TRPM3: variants seen among roughly 807,000 people sequenced by gnomAD.
TRPM3 encodes the protein long transient receptor potential channel 3.
In TRPM3, 77 loss-of-function variants were observed where a neutral mutation model predicts 181.2. The ratio of observed to expected loss-of-function variants is 0.42; its 90% confidence interval spans 0.35 to 0.51. The LOEUF is 0.51. TRPM3 is among the 20% of genes least tolerant of loss of function. TRPM3 has a pLI of 0.01. For missense variants in TRPM3, 1,759 were observed against 2,196.7 expected (o/e 0.80, Z 3.98); for synonymous variants, 745 against 796.4 (o/e 0.94, Z 1.09).
chr9:71,196,525 C>G (rs574980938), intron 1 of TRPM3, among the ~76,000 whole-genome samples: 2 of 151,840 alleles, frequency 1.3e-5, no homozygotes, highest in Admixed American at 1.3e-4. Context: ...TTATCATGAT[C>G]CTGTGTATTT....
chr9:71,390,255 G>A (rs2093031392), intron 1 of TRPM3, among the ~76,000 whole-genome samples: 2 of 151,998 alleles, frequency 1.3e-5, no homozygotes, highest in Admixed American at 1.3e-4. Context: ...AGAAAGAAGA[G>A]AAGTGGGTAA....
intron 1 of TRPM3, among the ~76,000 whole-genome samples, chr9:71,383,351 C>T (rs970968183): frequency 4.6e-5 from 7 of 152,046 alleles, no homozygotes; most frequent in Non-Finnish European, 1.0e-4. Flanking sequence ...TTGTTTTGTG[C>T]CCTTGTAAAC....
intron 1 of TRPM3, among the ~76,000 whole-genome samples, chr9:71,419,721 A>G (rs2093696800): frequency 6.6e-6 from 1 of 151,980 alleles, no homozygotes; most frequent in African/African-American, 2.4e-5. Context: ...AAAATGTTAA[A>G]TCTTATGTTA....
chr9:70,790,868 A>C (rs2085211344), intron 6 of TRPM3, among the ~76,000 whole-genome samples: 1 of 152,188 alleles, frequency 6.6e-6, no homozygotes, highest in Non-Finnish European at 1.5e-5. Context: ...ACAACTGTGG[A>C]AATATTATTG....
At chr9:70,585,923 G>T (rs368943624) in intron 22 of TRPM3, among the ~76,000 whole-genome samples, 6 of 151,976 alleles carry the variant, frequency 3.9e-5, no homozygotes, top group African/African-American at 1.2e-4. Flanking sequence ...AGACCCTTCC[G>T]TCCTACTTCC....
At chr9:71,344,594 C>T (rs2091181104) in intron 1 of TRPM3, among the ~76,000 whole-genome samples, 1 of 152,086 alleles carries the variant, frequency 6.6e-6, no homozygotes, top group Admixed American at 6.5e-5. Flanking sequence ...AAAATAATAG[C>T]AATACAGTGG....
chr9:71,006,383 A>C (rs1367964536), intron 1 of TRPM3, among the ~76,000 whole-genome samples: 2 of 152,182 alleles, frequency 1.3e-5, no homozygotes, highest in Non-Finnish European at 2.9e-5. Flanking sequence ...TCTCTAATTA[A>C]AAGACATAGT....
At chr9:71,404,197 T>G (rs2093394147) in intron 1 of TRPM3, among the ~76,000 whole-genome samples, 1 of 152,202 alleles carries the variant, frequency 6.6e-6, no homozygotes, top group African/African-American at 2.4e-5. Flanking sequence ...CTTGGCATCG[T>G]GCCTAAATAA....
At chr9:70,902,000 A>G (rs1393218888) in intron 1 of TRPM3, among the ~76,000 whole-genome samples, 1 of 152,220 alleles carries the variant, frequency 6.6e-6, no homozygotes, top group Non-Finnish European at 1.5e-5. Flanking sequence ...AGCTGTGGCC[A>G]CACAAGGCAA....
intron 1 of TRPM3, among the ~76,000 whole-genome samples, chr9:71,074,416 G>A (rs374244310): frequency 3.9e-5 from 6 of 152,266 alleles, no homozygotes; most frequent in African/African-American, 1.2e-4. Flanking sequence ...TTGAAGAGTT[G>A]AGAGTTTTGG....
intron 1 of TRPM3, among the ~76,000 whole-genome samples, chr9:71,254,273 A>C (rs1379828476): frequency 1.3e-5 from 2 of 152,204 alleles, no homozygotes; most frequent in Admixed American, 1.3e-4. Context: ...ATACCATATT[A>C]TCTCACTTAT....
chr9:70,849,031 T>C (rs1441872723), intron 3 of TRPM3, among the ~76,000 whole-genome samples: 1 of 151,160 alleles, frequency 6.6e-6, no homozygotes, highest in East Asian at 2.0e-4. Flanking sequence ...GAATTCTACA[T>C]TCAGCAAAAC....
intron 20 of TRPM3, among the ~76,000 whole-genome samples, chr9:70,599,103 G>C (rs2059458273): frequency 6.6e-6 from 1 of 152,006 alleles, no homozygotes; most frequent in African/African-American, 2.4e-5. Context: ...ATTTCTAAAT[G>C]CAACCTAGCC....
intron 1 of TRPM3, among the ~76,000 whole-genome samples, chr9:71,193,015 G>T (rs1459270254): frequency 6.6e-6 from 1 of 151,846 alleles, no homozygotes; most frequent in Non-Finnish European, 1.5e-5. Context: ...TATATATGGT[G>T]TATGTGTAAC....
intron 1 of TRPM3, among the ~76,000 whole-genome samples, chr9:70,984,052 G>A (rs778133959): frequency 3.9e-5 from 6 of 152,182 alleles, no homozygotes; most frequent in Non-Finnish European, 8.8e-5. Flanking sequence ...AATGGAGGAG[G>A]CACTAGAGCA....
At chr9:70,841,097 G>A (rs1385936655) in intron 5 of TRPM3, among the ~76,000 whole-genome samples, 1 of 152,022 alleles carries the variant, frequency 6.6e-6, no homozygotes, top group African/African-American at 2.4e-5. Context: ...AAGCATTTTG[G>A]CATATTCTAA....
At chr9:70,861,332 C>G (rs1052363532) in intron 3 of TRPM3, among the ~76,000 whole-genome samples, 1 of 152,144 alleles carries the variant, frequency 6.6e-6, no homozygotes, top group African/African-American at 2.4e-5. Context: ...TCATCAGAGT[C>G]TCCTAAGGTG....
chr9:71,296,551 A>G (rs948661818), intron 1 of TRPM3, among the ~76,000 whole-genome samples: 7 of 152,160 alleles, frequency 4.6e-5, no homozygotes, highest in African/African-American at 7.2e-5. Context: ...CAGGTTGACC[A>G]AAGTACCATG....
chr9:70,956,296 C>CTTTTTTTTTTTT (rs537484746), intron 1 of TRPM3, among the ~76,000 whole-genome samples: 1 of 97,142 alleles, frequency 1.0e-5, no homozygotes, highest in African/African-American at 4.0e-5. Context: ...AGAAATACAC[C>CTTTTTTTTTTTT]TTTTTTTTTT....
Sources: allele counts gnomAD v4.1 joint callset (sites outside exome capture counted in the v4.1 genomes callset), GRCh38; gene constraint gnomAD v4.1.1; transcripts MANE v1.5; gene names NCBI Gene and HGNC (gene_info 2026-07-23, HGNC 2026-07-21).